UNC13B: variants seen among roughly 807,000 people sequenced by gnomAD.
UNC13B encodes the protein unc-13 homolog B.
Under a neutral mutation model 211.0 loss-of-function variants are expected in UNC13B, and 144 were observed. The ratio of observed to expected loss-of-function variants is 0.68; its 90% CI spans 0.60 to 0.78. The LOEUF is 0.78. Among genes scored for constraint, UNC13B ranks in the 30% least tolerant of loss-of-function variants. The pLI is 0.00. For missense variants in UNC13B, 1,777 were observed against 2,002.0 expected, an observed-to-expected ratio of 0.89 and a Z score of 2.14; for synonymous variants, 709 against 725.8, an observed-to-expected ratio of 0.98 and a Z score of 0.37.
intron 1 of UNC13B, 80 bp downstream of exon 1, chr9:35,162,385 G>A: frequency 6.9e-7 from 1 of 1,448,940 alleles, no homozygotes; most frequent in Non-Finnish European, 9.1e-7. Flanking sequence ...TCCGGTGACC[G>A]TCTCACCCAA....
intron 1 of UNC13B, among the ~76,000 whole-genome samples, chr9:35,199,169 A>C (rs1823119535): frequency 6.6e-6 from 1 of 152,094 alleles, no homozygotes; most frequent in East Asian, 1.9e-4. Context: ...AAAGGACATG[A>C]ACTCATCCTT....
In UNC13B at chr9:35,274,725, T is replaced by A. The variant is rs1342877697; in HGVS notation, c.526+15675T>A. Reference sequence around the variant, plus strand: ...TTGCTACCTTGGGTTTAATTATAAATGTATCCACTTCTTGAAGCCATAATA... The same window carrying A: ...TTGCTACCTTGGGTTTAATTATAAAAGTATCCACTTCTTGAAGCCATAATA... On this transcript the variant is annotated intron_variant, in intron 7 of 39. Transcript: ENST00000635942. 5.9e-5 allele frequency among the ~76,000 whole-genome samples: 9 copies of A among 152,318 alleles called. No individual in the cohort carries two copies. In the East Asian group the frequency reaches 1.7e-3, roughly 29 times the overall value.
intron 11 of UNC13B, among the ~76,000 whole-genome samples, chr9:35,314,874 CTTTTTTTTTTTTTT>C (rs765803997): frequency 6.9e-5 from 4 of 57,760 alleles, no homozygotes; most frequent in Non-Finnish European, 1.3e-4. Flanking sequence ...GATTCCGTAT[CTTTTTTTTTTTTTT>C]TTTTTTTTTT....
At chr9:35,278,978 T>G (rs1427768985) in intron 7 of UNC13B, among the ~76,000 whole-genome samples, 2 of 152,214 alleles carry the variant, frequency 1.3e-5, no homozygotes, top group Non-Finnish European at 2.9e-5. Flanking sequence ...TCTTGCTTTT[T>G]ATCATATAAT....
At chr9:35,195,815 C>T (rs1429817961) in intron 1 of UNC13B, among the ~76,000 whole-genome samples, 1 of 152,176 alleles carries the variant, frequency 6.6e-6, no homozygotes, top group Non-Finnish European at 1.5e-5. Flanking sequence ...TTTCCTCCCC[C>T]TCCTTCACAA....
At chr9:35,186,391 T>C (rs2131325499) in intron 1 of UNC13B, among the ~76,000 whole-genome samples, 1 of 152,320 alleles carries the variant, frequency 6.6e-6, no homozygotes, top group Admixed American at 6.5e-5. Flanking sequence ...CAGGAAATCT[T>C]TCAATCCACT....
intron 26 of UNC13B, among the ~76,000 whole-genome samples, chr9:35,394,048 G>T (rs1316353056): frequency 1.3e-5 from 2 of 152,144 alleles, no homozygotes; most frequent in Admixed American, 1.3e-4. Flanking sequence ...TACAGATGGG[G>T]GTAATGAGAC....
chr9:35,369,907 G>C (rs1834008696), intron 12 of UNC13B, among the ~76,000 whole-genome samples: 1 of 152,168 alleles, frequency 6.6e-6, no homozygotes, highest in South Asian at 2.1e-4. Context: ...CCACCCTGTG[G>C]GTTCTGTTCT....
chr9:35,247,261 A>G (rs1480740137), intron 6 of UNC13B, among the ~76,000 whole-genome samples: 16 of 152,250 alleles, frequency 1.1e-4, no homozygotes, highest in African/African-American at 3.4e-4. Context: ...GGGCTGAGAC[A>G]GTGGGGTTTT....
At chr9:35,290,236 C>T (rs1364965078) in intron 7 of UNC13B, among the ~76,000 whole-genome samples, 1 of 152,058 alleles carries the variant, frequency 6.6e-6, no homozygotes, top group Non-Finnish European at 1.5e-5. Context: ...AGAAGTGGCT[C>T]TCTTTAAGGA....
chr9:35,197,504 A>G (rs888535747), intron 1 of UNC13B, among the ~76,000 whole-genome samples: 1 of 152,186 alleles, frequency 6.6e-6, no homozygotes, highest in African/African-American at 2.4e-5. Flanking sequence ...CACTACACCC[A>G]GCCATTTTTC....
chr9:35,164,899 A>G (rs1195909508), intron 1 of UNC13B, among the ~76,000 whole-genome samples: 6 of 152,214 alleles, frequency 3.9e-5, no homozygotes, highest in Non-Finnish European at 8.8e-5. Flanking sequence ...AATGAATCAT[A>G]TGCTGCCTGC....
chr9:35,351,023 A>C (rs1362953747), intron 11 of UNC13B, among the ~76,000 whole-genome samples: 1 of 152,036 alleles, frequency 6.6e-6, no homozygotes, highest in African/African-American at 2.4e-5. Context: ...TACTTCATCT[A>C]CCTCCCAGCA....
At chr9:35,374,672 G>T (rs1466989806) in intron 13 of UNC13B, among the ~76,000 whole-genome samples, 2 of 152,250 alleles carry the variant, frequency 1.3e-5, no homozygotes, top group Non-Finnish European at 2.9e-5. Flanking sequence ...GTGGGCTTGG[G>T]GAGGTGCCAA....
intron 6 of UNC13B, among the ~76,000 whole-genome samples, chr9:35,251,938 G>A (rs749325933): frequency 1.6e-4 from 25 of 151,832 alleles, no homozygotes; most frequent in African/African-American, 4.8e-4. Context: ...CGATCTGCCC[G>A]CCTTGGCCTC....
intron 5 of UNC13B, among the ~76,000 whole-genome samples, chr9:35,241,735 A>G (rs1587446947): frequency 6.6e-6 from 1 of 152,298 alleles, no homozygotes. Flanking sequence ...CTCCTCTGCC[A>G]CCTTGCACTT....
chr9:35,282,193 G>A (rs1462525054), intron 7 of UNC13B, among the ~76,000 whole-genome samples: 1 of 152,098 alleles, frequency 6.6e-6, no homozygotes, highest in Admixed American at 6.5e-5. Context: ...AAATGTATTA[G>A]TATAAGGTAG....
chr9:35,364,866 C>T (rs1587705292), intron 11 of UNC13B, among the ~76,000 whole-genome samples: 4 of 152,330 alleles, frequency 2.6e-5, no homozygotes, highest in Admixed American at 2.6e-4. Flanking sequence ...TTTGACTCCC[C>T]CAGACACTGA....
chr9:35,387,725 T>C (rs1368857188), intron 24 of UNC13B, among the ~76,000 whole-genome samples: 1 of 152,248 alleles, frequency 6.6e-6, no homozygotes, highest in Non-Finnish European at 1.5e-5. Context: ...CCTTCAGTCA[T>C]TGGTTTATTC....
Sources: allele counts gnomAD v4.1 joint callset (sites outside exome capture counted in the v4.1 genomes callset), GRCh38; gene constraint gnomAD v4.1.1; transcripts MANE v1.5; gene names NCBI Gene and HGNC (gene_info 2026-07-23, HGNC 2026-07-21).